Variants in RBFOX1 observed in about 807,000 individuals in gnomAD.
The protein encoded by RBFOX1 is RNA binding fox-1 homolog 1.
In RBFOX1, 8 loss-of-function variants were observed where a neutral mutation model predicts 57.7. That is an observed-to-expected ratio of 0.14 (90% CI 0.08 to 0.25). RBFOX1 has a LOEUF of 0.25. Ranked by LOEUF, RBFOX1 falls within the 10% of genes least tolerant of loss-of-function variation. RBFOX1 has a pLI of 1.00. For missense variants in RBFOX1, 611 were observed against 548.5 expected, an observed-to-expected ratio of 1.11 and a Z score of -1.14; for synonymous variants, 326 against 222.4, an observed-to-expected ratio of 1.47 and a Z score of -4.15.
intron 1 of RBFOX1, among the ~76,000 whole-genome samples, chr16:5,429,947 G>T (rs2067678837): frequency 6.6e-6 from 1 of 152,134 alleles, no homozygotes; most frequent in Admixed American, 6.5e-5. Context: ...GAAGGTTTGT[G>T]GTGCACTTCT....
At chr16:6,618,521 G>C (rs2098176536) in intron 2 of RBFOX1, among the ~76,000 whole-genome samples, 1 of 152,168 alleles carries the variant, frequency 6.6e-6, no homozygotes, top group Non-Finnish European at 1.5e-5. Context: ...GTTTAATGTG[G>C]ATTTTGCTTA....
intron 2 of RBFOX1, among the ~76,000 whole-genome samples, chr16:6,617,134 G>C (rs905333287): frequency 6.6e-5 from 10 of 151,994 alleles, no homozygotes; most frequent in African/African-American, 2.4e-4. Flanking sequence ...AGACTTAAGT[G>C]GTACAAGGAG....
At chr16:6,561,020 C>G (rs1010903396) in intron 2 of RBFOX1, among the ~76,000 whole-genome samples, 1 of 152,198 alleles carries the variant, frequency 6.6e-6, no homozygotes, top group Non-Finnish European at 1.5e-5. Context: ...TTCAAACGCA[C>G]CCTCCAACCA....
intron 2 of RBFOX1, among the ~76,000 whole-genome samples, chr16:6,401,668 C>T (rs2093073994): frequency 6.6e-6 from 1 of 152,096 alleles, no homozygotes; most frequent in Non-Finnish European, 1.5e-5. Flanking sequence ...TAATGGAAGC[C>T]ACTATTGCTG....
intron 1 of RBFOX1, among the ~76,000 whole-genome samples, chr16:6,191,741 T>C (rs1456593858): frequency 1.3e-5 from 2 of 152,206 alleles, no homozygotes; most frequent in Admixed American, 6.5e-5. Flanking sequence ...TGGAAACTCA[T>C]GGCAGAGAGA....
At position 6,788,466 on chromosome 16, in the gene RBFOX1, ATTTATTT is replaced by A. The variant is rs998854922; in HGVS notation, c.-16+133834_-16+133840del. On this transcript the variant is annotated intron_variant, in intron 3 of 15. Coordinates refer to ENST00000550418, the MANE Select transcript of RBFOX1 (RefSeq NM_018723.4). The stretch of plus-strand genomic sequence containing the variant: ...ACTGATTTTTTTTTTATTATTATTT[ATTTATTT>A]TTTATTTTTTATTTTTTTGAGACAG... Among the ~76,000 whole-genome samples the A allele has an allele frequency of 1.4e-4, 21 of 150,804 alleles. No individual in the cohort carries two copies. The South Asian group carries it at 2.5e-3, about 18-fold the overall frequency.
intron 5 of RBFOX1, among the ~76,000 whole-genome samples, chr16:7,524,638 G>A (rs1173331231): frequency 6.6e-6 from 1 of 152,214 alleles, no homozygotes; most frequent in South Asian, 2.1e-4. Context: ...GAGAAGGAAT[G>A]TGGGTGCCCC....
chr16:6,993,718 G>A (rs1468866523), intron 3 of RBFOX1, among the ~76,000 whole-genome samples: 1 of 152,072 alleles, frequency 6.6e-6, no homozygotes, highest in African/African-American at 2.4e-5. Flanking sequence ...AATCCAATTT[G>A]CGTGTGTTTG....
chr16:7,093,827 A>G (rs1190556106), intron 4 of RBFOX1, among the ~76,000 whole-genome samples: 3 of 151,988 alleles, frequency 2.0e-5, no homozygotes, highest in African/African-American at 7.3e-5. Flanking sequence ...TTTGTCTGTA[A>G]AGTGATTTGT....
intron 1 of RBFOX1, among the ~76,000 whole-genome samples, chr16:6,225,676 A>C (rs559421960): frequency 1.3e-5 from 2 of 152,298 alleles, no homozygotes; most frequent in South Asian, 4.1e-4. Context: ...ATTTAGGCAT[A>C]AAATGTAATA....
chr16:7,201,383 G>A (rs992887947), intron 4 of RBFOX1, among the ~76,000 whole-genome samples: 2 of 152,272 alleles, frequency 1.3e-5, no homozygotes, highest in South Asian at 4.1e-4. Context: ...TTAAGAAGTG[G>A]GGATTCTATT....
chr16:7,506,115 G>A (rs749148114), intron 4 of RBFOX1, among the ~76,000 whole-genome samples: 1 of 147,574 alleles, frequency 6.8e-6, no homozygotes, highest in Non-Finnish European at 1.5e-5. Context: ...AACCCAGGAG[G>A]CGGAGTTTGC....
chr16:5,901,341 A>G (rs764609661), intron 4 of RBFOX1, among the ~76,000 whole-genome samples: 1 of 152,072 alleles, frequency 6.6e-6, no homozygotes, highest in Non-Finnish European at 1.5e-5. Flanking sequence ...ACCTTTTATA[A>G]TTCACCTTGC....
At chr16:7,302,275 T>C (rs1603601362) in intron 4 of RBFOX1, among the ~76,000 whole-genome samples, 1 of 152,186 alleles carries the variant, frequency 6.6e-6, no homozygotes, top group East Asian at 1.9e-4. Context: ...TTCATAGTTA[T>C]TTCAAACAGA....
At chr16:5,537,408 G>A (rs1310835850) in intron 2 of RBFOX1, among the ~76,000 whole-genome samples, 1 of 152,146 alleles carries the variant, frequency 6.6e-6, no homozygotes, top group Non-Finnish European at 1.5e-5. Context: ...AGTGACTTAT[G>A]CCAACAAAAA....
At chr16:5,408,625 A>G (rs999868428) in intron 1 of RBFOX1, among the ~76,000 whole-genome samples, 1 of 152,174 alleles carries the variant, frequency 6.6e-6, no homozygotes, top group Admixed American at 6.5e-5. Context: ...CATAAGAAGT[A>G]TCTGAGACTG....
chr16:5,389,879 G>T, intron 1 of RBFOX1, among the ~76,000 whole-genome samples: 1 of 151,572 alleles, frequency 6.6e-6, no homozygotes, highest in East Asian at 1.9e-4. Context: ...TGTATTTTTG[G>T]TAGAGATGGA....
At chr16:5,449,132 T>C (rs774840949) in intron 1 of RBFOX1, among the ~76,000 whole-genome samples, 10 of 152,142 alleles carry the variant, frequency 6.6e-5, no homozygotes, top group Non-Finnish European at 1.5e-4. Flanking sequence ...CAGACGAGGC[T>C]ACCCAAAAGT....
chr16:7,552,776 A>AG (rs1288576476), intron 5 of RBFOX1, among the ~76,000 whole-genome samples: 1 of 152,084 alleles, frequency 6.6e-6, no homozygotes, highest in African/African-American at 2.4e-5. Flanking sequence ...TCTGCCTCCC[A>AG]GGCTCAAGAG....
Sources: allele counts gnomAD v4.1 joint callset (sites outside exome capture counted in the v4.1 genomes callset), GRCh38; gene constraint gnomAD v4.1.1; transcripts MANE v1.5; gene names NCBI Gene and HGNC (gene_info 2026-07-23, HGNC 2026-07-21).